ADAMTSL3: variants seen among roughly 807,000 people sequenced by gnomAD.
ADAMTSL3 encodes the protein ADAMTS like 3.
A neutral mutation model predicts 201.7 loss-of-function variants in ADAMTSL3; 128 were observed. The ratio of observed to expected loss-of-function variants is 0.63; its 90% confidence interval spans 0.55 to 0.73. ADAMTSL3 has a LOEUF of 0.73. Ranked by LOEUF, ADAMTSL3 falls within the 30% of genes least tolerant of loss-of-function variation. The pLI is 0.00. For synonymous variants in ADAMTSL3, 738 were observed against 748.4 expected, an observed-to-expected ratio of 0.99 and a Z score of 0.23; for missense variants, 1,990 against 2,119.6, an observed-to-expected ratio of 0.94 and a Z score of 1.20.
At chr15:83,995,346 T>G (rs1048466859) in intron 23 of ADAMTSL3, among the ~76,000 whole-genome samples, 5 of 152,150 alleles carry the variant, frequency 3.3e-5, no homozygotes, top group African/African-American at 1.2e-4. Context: ...GAAAATGATA[T>G]GAAAACCTCT....
intron 23 of ADAMTSL3, among the ~76,000 whole-genome samples, chr15:84,000,100 C>T (rs967933949): frequency 3.3e-5 from 5 of 151,068 alleles, no homozygotes; most frequent in African/African-American, 7.3e-5. Flanking sequence ...AATGTATTTA[C>T]CCACCAGTTT....
At position 83,858,828 on chromosome 15, in the gene ADAMTSL3, C is replaced by T. The variant is rs775560578; in HGVS notation, c.790C>T (p.Pro264Ser). The T allele has an allele frequency of 1.9e-6, 3 of 1,610,872 alleles. No homozygotes were observed. The highest frequency in any genetic ancestry group is 2.2e-5 in the South Asian group (2 of 90,808). The change falls in exon 8 of 30, where the codon CCT becomes TCT. Residue 264 changes from proline (P) to serine (S), a missense_variant. By Grantham distance (74) the Pro-to-Ser change is moderately conservative. Transcript: ENST00000286744. ...SRSVRITVKG[P>S]AHLFIESKTL... Reference sequence around the variant, plus strand: ...AAGTGTGAGAATTACAGTGAAAGGACCTGCCCACCTCTGTAAGTAGAATTT... The same window carrying T: ...AAGTGTGAGAATTACAGTGAAAGGATCTGCCCACCTCTGTAAGTAGAATTT...
chr15:83,685,145 A>C (rs1486188264), intron 2 of ADAMTSL3, among the ~76,000 whole-genome samples: 3 of 151,996 alleles, frequency 2.0e-5, no homozygotes, highest in Non-Finnish European at 4.4e-5. Context: ...TACTTCTGCG[A>C]ATTGCTTATT....
intron 3 of ADAMTSL3, among the ~76,000 whole-genome samples, chr15:83,766,486 A>T (rs2062893597): frequency 6.6e-6 from 1 of 152,236 alleles, no homozygotes; most frequent in South Asian, 2.1e-4. Context: ...AGGGGGAAAA[A>T]AGTAAAAGAC....
intron 2 of ADAMTSL3, among the ~76,000 whole-genome samples, chr15:83,666,132 A>T (rs2061245327): frequency 6.6e-6 from 1 of 152,222 alleles, no homozygotes; most frequent in African/African-American, 2.4e-5. Context: ...TGTATCTTTT[A>T]AACAGTGACT....
intron 7 of ADAMTSL3, among the ~76,000 whole-genome samples, chr15:83,853,770 A>G (rs1444522014): frequency 6.6e-6 from 1 of 152,176 alleles, no homozygotes; most frequent in Non-Finnish European, 1.5e-5. Context: ...TTTATCTCCA[A>G]AATTGTACTG....
At chr15:83,858,177 G>A (rs2064779875) in intron 7 of ADAMTSL3, among the ~76,000 whole-genome samples, 1 of 152,220 alleles carries the variant, frequency 6.6e-6, no homozygotes, top group African/African-American at 2.4e-5. Context: ...TGAATGAAGA[G>A]ATGTGGCTAG....
intron 20 of ADAMTSL3, among the ~76,000 whole-genome samples, chr15:83,977,982 C>A (rs1049995869): frequency 6.6e-6 from 1 of 152,216 alleles, no homozygotes; most frequent in Admixed American, 6.5e-5. Flanking sequence ...ATGAGCTTCT[C>A]AGATCTTTAC....
chr15:83,883,168 T>C lies in ADAMTSL3; in HGVS notation c.961-1933T>C, dbSNP rs561995376. On this transcript the variant is annotated intron_variant, in intron 9 of 29. Transcript: ENST00000286744. The stretch of plus-strand genomic sequence containing the variant: ...TATTTTATTTTATTTTATTTTATTT[T>C]ATTTTATTTTATTTTATTTTTTGAG... 3.6e-3 allele frequency among the ~76,000 whole-genome samples: 538 copies of C among 151,150 alleles called. 4 individuals are homozygous for C. Among genetic ancestry groups the C allele is most frequent in the African/African-American group, 0.012 (513 of 41,312 alleles).
chr15:83,872,627 C>CACACACACAGAGAGAG (rs6145659), intron 9 of ADAMTSL3, among the ~76,000 whole-genome samples: 43 of 140,916 alleles, frequency 3.1e-4, no homozygotes, highest in Non-Finnish European at 4.7e-4. Flanking sequence ...CACACACACA[C>CACACACACAGAGAGAG]AGAGTTTTTG....
chr15:83,851,654 A>G (rs1007046439), intron 7 of ADAMTSL3, among the ~76,000 whole-genome samples: 3 of 152,210 alleles, frequency 2.0e-5, no homozygotes, highest in African/African-American at 4.8e-5. Context: ...ATATCCAGGC[A>G]AGGAAATTGA....
intron 19 of ADAMTSL3, among the ~76,000 whole-genome samples, chr15:83,943,402 C>T (rs1307208603): frequency 1.3e-5 from 2 of 152,222 alleles, no homozygotes; most frequent in East Asian, 3.8e-4. Context: ...TGGTTCCTCT[C>T]TTCCTTGTGT....
chr15:83,749,240 C>G (rs2062599825), intron 3 of ADAMTSL3, among the ~76,000 whole-genome samples: 1 of 152,158 alleles, frequency 6.6e-6, no homozygotes, highest in South Asian at 2.1e-4. Flanking sequence ...ATGACTCTGG[C>G]TGAAGGACAT....
intron 6 of ADAMTSL3, among the ~76,000 whole-genome samples, chr15:83,830,934 C>G (rs901889263): frequency 6.6e-6 from 1 of 151,972 alleles, no homozygotes; most frequent in Non-Finnish European, 1.5e-5. Context: ...GGTAAATCCA[C>G]GAATGAACAA....
In ADAMTSL3 at chr15:83,792,065, CA is replaced by C. The variant is rs1247603671; in HGVS notation, c.318-12583del. 2.0e-5 allele frequency among the ~76,000 whole-genome samples: 3 copies of C among 152,104 alleles called. No individual in the cohort carries two copies. In the East Asian group the frequency reaches 5.8e-4, roughly 29 times the overall value. On this transcript the variant is annotated intron_variant, in intron 4 of 29. Coordinates refer to ENST00000286744, the MANE Select transcript of ADAMTSL3 (RefSeq NM_207517.3). ...GCTTCTGTACAACAAAGGAAACAATCAACAGAGAGAAGAGATAACCTACAGA... is the reference window on the plus strand; with the variant it reads ...GCTTCTGTACAACAAAGGAAACAATCACAGAGAGAAGAGATAACCTACAGA...
rs570472354 is a variant in ADAMTSL3 at position 83,877,882 on chromosome 15, G to A, written c.960+6923G>A. Among the ~76,000 whole-genome samples the A allele has an allele frequency of 2.0e-5, 3 of 151,890 alleles. No homozygotes were observed. The South Asian group carries it at 6.3e-4, about 32-fold the overall frequency. On this transcript the variant is annotated intron_variant, in intron 9 of 29. Transcript: ENST00000286744. ...TTTTTTCAGTTTCTATTTGTTTCTG[G>A]GGTGTGGAAATATTGATTTTTGTGT...
At chr15:83,825,143 T>A (rs1350681821) in intron 6 of ADAMTSL3, among the ~76,000 whole-genome samples, 1 of 151,856 alleles carries the variant, frequency 6.6e-6, no homozygotes, top group African/African-American at 2.4e-5. Flanking sequence ...AAGCTTACCA[T>A]ATAATTCTTC....
intron 3 of ADAMTSL3, among the ~76,000 whole-genome samples, chr15:83,709,727 T>G (rs1392506150): frequency 6.6e-6 from 1 of 152,200 alleles, no homozygotes; most frequent in East Asian, 1.9e-4. Context: ...ATTTATTTTT[T>G]AAGGAGTTAG....
chr15:83,892,387 G>A (rs370596042), intron 12 of ADAMTSL3, among the ~76,000 whole-genome samples: 25 of 151,572 alleles, frequency 1.6e-4, no homozygotes, highest in East Asian at 5.9e-4. Flanking sequence ...AAAATTAGCC[G>A]GGCGTGGTGG....
Sources: gnomAD v4.1 joint callset for allele counts (sites outside exome capture counted in the v4.1 genomes callset) on GRCh38, gnomAD v4.1.1 for gene constraint, MANE v1.5 for transcripts, NCBI Gene and HGNC (gene_info 2026-07-23, HGNC 2026-07-21) for gene names.